The following CHAF1A variants were observed in gnomAD, a reference collection of about 807,000 sequenced individuals.
CHAF1A encodes the protein CAF-1 subunit A.
A neutral mutation model predicts 93.2 loss-of-function variants in CHAF1A; 5 were observed. The ratio of observed to expected loss-of-function variants is 0.05; its 90% CI spans 0.03 to 0.11. CHAF1A has a LOEUF of 0.11. CHAF1A is among the 10% of genes least tolerant of loss of function. The probability of loss-of-function intolerance (pLI) is 1.00; values close to 1 mark genes in which losing one functional copy is unlikely to be tolerated. For missense variants in CHAF1A, 1,102 were observed against 1,259.9 expected (o/e 0.87, Z 1.90); for synonymous variants, 504 against 510.3 (o/e 0.99, Z 0.17).
chr19:4,414,996 T>G (rs1454595586), intron 3 of CHAF1A, among the ~76,000 whole-genome samples: 1 of 152,180 alleles, frequency 6.6e-6, no homozygotes, highest in Non-Finnish European at 1.5e-5. Context: ...GAGAGGATTA[T>G]CTGAGAAAGG....
intron 12 of CHAF1A, 72 bp downstream of exon 12, chr19:4,432,279 C>A: frequency 6.7e-7 from 1 of 1,494,166 alleles, no homozygotes; most frequent in South Asian, 1.3e-5. Flanking sequence ...GGGCAAGAGT[C>A]ACAGGCTAGT....
intron 7 of CHAF1A, among the ~76,000 whole-genome samples, chr19:4,425,566 C>T (rs543811958): frequency 7.9e-5 from 12 of 152,222 alleles, no homozygotes; most frequent in African/African-American, 2.9e-4. Context: ...GGGCTGGTCT[C>T]GACCTCCTGG....
Position 4,443,266 on chromosome 19 carries a change from C to T in CHAF1A, c.*241C>T, listed in dbSNP as rs536039759. 2.0e-6 allele frequency: 1 copy of T among 497,950 alleles called. No individual in the cohort carries two copies. Among genetic ancestry groups the T allele is most frequent in the Non-Finnish European group, 3.7e-6 (1 of 271,526 alleles). 30.8% of individuals were successfully genotyped at this position (497,950 alleles called of 1,614,324 possible). On this transcript the variant is annotated 3_prime_UTR_variant, in exon 15 of 15. Coordinates refer to ENST00000301280, the MANE Select transcript of CHAF1A (RefSeq NM_005483.3). The stretch of plus-strand genomic sequence containing the variant: ...TGAGATTGCTGGCCTATTGGGGAAG[C>T]CTGCGGGCACAGGAGCAGGCGTGGA...
chr19:4,410,649 G>A (rs56411083), intron 3 of CHAF1A, among the ~76,000 whole-genome samples: 26,730 of 152,044 alleles, frequency 0.18, 2,960 homozygotes, highest in Admixed American at 0.26. Flanking sequence ...CCAAAGTGCT[G>A]GAATTATAGG....
chr19:4,441,237 A>C (rs1599666466), intron 13 of CHAF1A, among the ~76,000 whole-genome samples: 1 of 152,034 alleles, frequency 6.6e-6, no homozygotes, highest in African/African-American at 2.4e-5. Flanking sequence ...GAATCACTTG[A>C]ACCTGGGAGT....
At chr19:4,411,096 G>A (rs1387231444) in intron 3 of CHAF1A, among the ~76,000 whole-genome samples, 3 of 152,122 alleles carry the variant, frequency 2.0e-5, no homozygotes, top group East Asian at 1.9e-4. Context: ...GTTTGTTCAT[G>A]TTGGGTCTTT....
intron 3 of CHAF1A, among the ~76,000 whole-genome samples, chr19:4,414,256 C>T (rs1006050489): frequency 2.0e-5 from 3 of 151,934 alleles, no homozygotes; most frequent in South Asian, 2.1e-4. Flanking sequence ...CAAAAAATAG[C>T]GGGGCATGGG....
At chr19:4,413,539 A>G (rs544376041) in intron 3 of CHAF1A, among the ~76,000 whole-genome samples, 2 of 152,258 alleles carry the variant, frequency 1.3e-5, no homozygotes, top group South Asian at 4.1e-4. Context: ...ATTGTTTCGC[A>G]CTGCCGTGTA....
chr19:4,413,505 G>A (rs1208640333), intron 3 of CHAF1A, among the ~76,000 whole-genome samples: 7 of 152,160 alleles, frequency 4.6e-5, no homozygotes, highest in East Asian at 1.9e-4. Context: ...AGATTGCAGG[G>A]GCGAGCTGGT....
rs1973999091 is a variant in CHAF1A, at chr19:4,422,027, T to A, written c.1018-539T>A. 6.6e-6 allele frequency among the ~76,000 whole-genome samples: 1 copy of A among 150,574 alleles called. No individual in the cohort carries two copies. Among genetic ancestry groups the A allele is most frequent in the Non-Finnish European group, 1.5e-5 (1 of 67,534 alleles). ...TGGCTAATTTTTTTTTTTTTTTTTA[T>A]TAAATGGAGTCTCACTCTGTCACTG... On this transcript the variant is annotated intron_variant, in intron 4 of 14. Transcript: ENST00000301280. The surrounding 1 kb of genome is among the most constrained non-coding windows in gnomAD (Gnocchi z 4.6).
At chr19:4,430,848 C>T (rs1054862127) in intron 11 of CHAF1A, 3 of 561,698 alleles carry the variant, frequency 5.3e-6, no homozygotes, top group East Asian at 3.1e-5. Context: ...GAGGAGCTTG[C>T]AAGCGAGGGG....
chr19:4,439,072 C>T (rs1399909810), intron 13 of CHAF1A, among the ~76,000 whole-genome samples: 1 of 151,876 alleles, frequency 6.6e-6, no homozygotes, highest in African/African-American at 2.4e-5. Context: ...CTTGAGAGGC[C>T]AGGAGTTCAA....
Position 4,437,159 on chromosome 19 carries a change from A to G in CHAF1A, c.2673+3620A>G, listed in dbSNP as rs544713888. On this transcript the variant is annotated intron_variant, in intron 13 of 14. Coordinates refer to ENST00000301280, the MANE Select transcript of CHAF1A (RefSeq NM_005483.3). ...GACGCACGAAGGTCACACGTGAAGGAATGGAGACCCAGGCCCAGCTTGATG... is the reference window on the plus strand; with the variant it reads ...GACGCACGAAGGTCACACGTGAAGGGATGGAGACCCAGGCCCAGCTTGATG... Among the ~76,000 whole-genome samples, 25 of 152,142 alleles carry G rather than the reference A, an allele frequency of 1.6e-4. No individual in the cohort carries two copies. The South Asian group carries it at 4.8e-3, about 29-fold the overall frequency.
downstream of CHAF1A, chr19:4,446,352 GCTC>G (rs758946725): frequency 2.5e-6 from 4 of 1,570,808 alleles, no homozygotes; most frequent in Admixed American, 1.8e-5. Context: ...AGCCCCCGCT[GCTC>G]CTCCTTCTCC....
downstream of CHAF1A, chr19:4,444,552 A>G (rs1049820645): frequency 6.6e-6 from 1 of 152,524 alleles, no homozygotes; most frequent in Non-Finnish European, 1.5e-5. Context: ...AGCCATGCGC[A>G]GCCTCTTCCA....
downstream of CHAF1A, chr19:4,445,783 G>A (rs974054035): frequency 8.1e-7 from 1 of 1,231,698 alleles, no homozygotes; most frequent in Non-Finnish European, 1.1e-6. Context: ...TCTCCCTCCG[G>A]GACTCCAGGA....
At chr19:4,445,751 C>T (rs1974497126), downstream of CHAF1A, 3 of 1,451,804 alleles carry the variant, frequency 2.1e-6, no homozygotes, top group Non-Finnish European at 2.8e-6. Flanking sequence ...GAGGCTGTGG[C>T]TCGCACCCAG....
intron 3 of CHAF1A, among the ~76,000 whole-genome samples, chr19:4,415,104 C>T (rs752156170): frequency 5.9e-5 from 9 of 152,000 alleles, no homozygotes; most frequent in African/African-American, 1.9e-4. Context: ...TCCTGGATCA[C>T]GTTTTTGGCA....
At chr19:4,434,363 A>G (rs1974244019) in intron 13 of CHAF1A, among the ~76,000 whole-genome samples, 1 of 152,044 alleles carries the variant, frequency 6.6e-6, no homozygotes, top group Non-Finnish European at 1.5e-5. Flanking sequence ...AAATACATAA[A>G]ACGCACCTTC....
Sources: allele counts gnomAD v4.1 joint callset (sites outside exome capture counted in the v4.1 genomes callset), GRCh38; gene constraint gnomAD v4.1.1; non-coding constraint Gnocchi (gnomAD v3.1); transcripts MANE v1.5; gene names NCBI Gene and HGNC (gene_info 2026-07-23, HGNC 2026-07-21).